Variants in EFNB2 observed in about 807,000 individuals in gnomAD.
The protein encoded by EFNB2 is ephrin B2.
In EFNB2, 5 loss-of-function variants were observed where a neutral mutation model predicts 32.1. The observed-to-expected ratio is 0.16, with a 90% CI of 0.08 to 0.33. The LOEUF (loss-of-function observed/expected upper bound fraction) is 0.33, where lower values mean the gene tolerates loss of function less well. EFNB2 is among the 10% of genes least tolerant of loss of function. The pLI is 1.00. For missense variants in EFNB2, 263 were observed against 422.6 expected, an observed-to-expected ratio of 0.62 and a Z score of 3.31; for synonymous variants, 168 against 166.5, an observed-to-expected ratio of 1.01 and a Z score of -0.07.
At chr13:106,505,074 T>C (rs568598622) in intron 2 of EFNB2, among the ~76,000 whole-genome samples, 1 of 152,268 alleles carries the variant, frequency 6.6e-6, no homozygotes, top group South Asian at 2.1e-4. Context: ...TTAGTTCAAC[T>C]TTGGGGGCAG....
intron 1 of EFNB2, chr13:106,519,441 G>C (rs1478054350): frequency 2.0e-5 from 3 of 152,038 alleles, no homozygotes; most frequent in Non-Finnish European, 4.4e-5. Flanking sequence ...GGGGGGAGGA[G>C]GCCCACACAT....
chr13:106,495,083 T>C (rs1878544925), intron 3 of EFNB2, 89 bp from the exon 4 acceptor site: 13 of 995,898 alleles, frequency 1.3e-5, no homozygotes, highest in South Asian at 7.9e-5. Flanking sequence ...CAGGCATGAA[T>C]AGCAATGAAC....
At chr13:106,530,682 C>T (rs1404104952) in intron 1 of EFNB2, among the ~76,000 whole-genome samples, 2 of 152,164 alleles carry the variant, frequency 1.3e-5, no homozygotes, top group Admixed American at 6.5e-5. Context: ...ATTCCTATGA[C>T]GCATTACTGC....
At chr13:106,525,823 C>T (rs988238830) in intron 1 of EFNB2, among the ~76,000 whole-genome samples, 1 of 152,114 alleles carries the variant, frequency 6.6e-6, no homozygotes, top group Non-Finnish European at 1.5e-5. Flanking sequence ...TTGTTAGAGC[C>T]GAGTAACAGG....
chr13:106,511,769 C>G (rs1313244134), intron 2 of EFNB2, among the ~76,000 whole-genome samples: 1 of 152,042 alleles, frequency 6.6e-6, no homozygotes, highest in Non-Finnish European at 1.5e-5. Flanking sequence ...TTTAACACCA[C>G]CTGGGGCCCT....
At chr13:106,531,280 G>A (rs1879862716) in intron 1 of EFNB2, among the ~76,000 whole-genome samples, 1 of 152,180 alleles carries the variant, frequency 6.6e-6, no homozygotes, top group Admixed American at 6.5e-5. Context: ...AGCATGTTGT[G>A]AGGTATCGCT....
intron 2 of EFNB2, among the ~76,000 whole-genome samples, chr13:106,504,751 G>A (rs1011718330): frequency 2.0e-5 from 3 of 152,098 alleles, no homozygotes; most frequent in Admixed American, 2.0e-4. Flanking sequence ...CAATCCATCA[G>A]TCCTTCTATG....
At position 106,493,166 on chromosome 13, in the gene EFNB2, C is replaced by A. The variant is rs752669368; in HGVS notation, c.876G>T (p.Pro292=). 6.2e-7 allele frequency: 1 copy of A among 1,614,128 alleles called. No individual in the cohort carries two copies. Among genetic ancestry groups the A allele is most frequent in the Non-Finnish European group, 8.5e-7 (1 of 1,180,036 alleles). The part of the protein sequence containing the change: ...NGSEPSDIII[P]LRTADSVFCP... ...AGAAGACGCTGTCCGCAGTCCTTAGCGGGATGATAATGTCACTGGGCTCTG... is the reference window on the plus strand; with the variant it reads ...AGAAGACGCTGTCCGCAGTCCTTAGAGGGATGATAATGTCACTGGGCTCTG... The change falls in exon 5 of 5, where the codon CCG becomes CCT. Residue 292 remains proline, a synonymous_variant. Transcript: ENST00000646441. The surrounding 1 kb of genome is among the most constrained non-coding windows in gnomAD (Gnocchi z 6.1).
Position 106,508,564 on chromosome 13 carries a change from T to C in EFNB2, c.406+3965A>G, listed in dbSNP as rs569102474. On this transcript the variant is annotated intron_variant, in intron 2 of 4. Coordinates refer to ENST00000646441, the MANE Select transcript of EFNB2 (RefSeq NM_004093.4). ...GAAATAGGTCACTTGAAAAAGTCAATTCTAAACAAGAATAAAAACCCATAT... is the reference window on the plus strand; with the variant it reads ...GAAATAGGTCACTTGAAAAAGTCAACTCTAAACAAGAATAAAAACCCATAT... 3.9e-5 allele frequency among the ~76,000 whole-genome samples: 6 copies of C among 152,230 alleles called. No homozygotes were observed. The East Asian group carries it at 1.2e-3, about 29-fold the overall frequency.
At chr13:106,523,105 T>G (rs1168215992) in intron 1 of EFNB2, among the ~76,000 whole-genome samples, 1 of 152,150 alleles carries the variant, frequency 6.6e-6, no homozygotes, top group Non-Finnish European at 1.5e-5. Flanking sequence ...GGGCTAGGTC[T>G]GCTGTGGGCG....
Position 106,492,175 on chromosome 13 carries a change from G to A in EFNB2, c.*865C>T, listed in dbSNP as rs1878430363. 6.5e-6 allele frequency: 1 copy of A among 152,704 alleles called. No homozygotes were observed. Among genetic ancestry groups the A allele is most frequent in the African/African-American group, 2.4e-5 (1 of 41,448 alleles). The allele number at this position is 152,704 out of a possible 1,614,324, so 9.5% of individuals were successfully genotyped here. A position where few individuals can be genotyped will look rare whatever the true frequency, so the allele number is the denominator to read the frequency against. ...TGGAATCCACTGTGTGTGCTGTCGT[G>A]TCTCCTACTGGCCTCTTCGATCTCA... On this transcript the variant is annotated 3_prime_UTR_variant, in exon 5 of 5. Coordinates refer to ENST00000646441, the MANE Select transcript of EFNB2 (RefSeq NM_004093.4). This position sits in a 1 kb window ranked among gnomAD's most constrained non-coding sequence, Gnocchi z 5.1.
chr13:106,522,058 A>C (rs1282053132), intron 1 of EFNB2, among the ~76,000 whole-genome samples: 1 of 152,036 alleles, frequency 6.6e-6, no homozygotes, highest in Non-Finnish European at 1.5e-5. Flanking sequence ...AAAAAAACAA[A>C]AAAAAAACCA....
rs1880020848 is a variant in EFNB2, at chr13:106,534,993, C to A, written c.-29G>T. On this transcript the variant is annotated 5_prime_UTR_variant, in exon 1 of 5. Coordinates refer to ENST00000646441, the MANE Select transcript of EFNB2 (RefSeq NM_004093.4). ...GAAGCCACTCCCAGCTCCGCGCACT[C>A]CGGGCCAAGAAGGGACTGACGGGAC... The A allele has an allele frequency of 6.2e-7, 1 of 1,611,466 alleles. No homozygotes were observed. Among genetic ancestry groups the A allele is most frequent in the East Asian group, 2.2e-5 (1 of 44,636 alleles).
chr13:106,519,983 T>C (rs1423939021), intron 1 of EFNB2: 1 of 152,082 alleles, frequency 6.6e-6, no homozygotes, highest in Non-Finnish European at 1.5e-5. Context: ...AATACATAAA[T>C]CTCTGAGTCC....
intron 2 of EFNB2, chr13:106,506,230 C>G (rs16968797): frequency 4.6e-5 from 7 of 152,126 alleles, no homozygotes; most frequent in African/African-American, 1.4e-4. Context: ...TCAGTGATAA[C>G]GCAACCCTGA....
intron 1 of EFNB2, among the ~76,000 whole-genome samples, chr13:106,526,377 A>G (rs1014495732): frequency 3.9e-5 from 6 of 152,196 alleles, no homozygotes; most frequent in African/African-American, 1.4e-4. Flanking sequence ...GGACAGGTAG[A>G]GTGGTGAAGG....
intron 1 of EFNB2, among the ~76,000 whole-genome samples, chr13:106,524,658 C>T (rs1023329080): frequency 2.6e-5 from 4 of 152,176 alleles, no homozygotes. Context: ...TACTGCCCAT[C>T]CCTCCAGGTT....
intron 2 of EFNB2, among the ~76,000 whole-genome samples, chr13:106,501,743 C>T (rs1878788655): frequency 6.6e-6 from 1 of 152,196 alleles, no homozygotes; most frequent in South Asian, 2.1e-4. Context: ...CAGGAGCCCG[C>T]CACCACACCC....
rs1407248606 is a variant in EFNB2, at chr13:106,518,729, G to C, written c.123-5917C>G. 2.0e-5 allele frequency: 3 copies of C among 152,274 alleles called. No homozygotes were observed. The highest frequency in any genetic ancestry group is 4.8e-5 in the African/African-American group (2 of 41,438). 9.4% of individuals were successfully genotyped at this position (152,274 alleles called of 1,614,324 possible). ...GGAGAAGTTTATGGAGAGCTGTGTA[G>C]TGAACCCGAAATTGCACTCCCTGCT... On this transcript the variant is annotated intron_variant, in intron 1 of 4. Transcript: ENST00000646441. The surrounding 1 kb of genome is among the most constrained non-coding windows in gnomAD (Gnocchi z 4.1).
Sources: allele counts gnomAD v4.1 joint callset (sites outside exome capture counted in the v4.1 genomes callset), GRCh38; gene constraint gnomAD v4.1.1; non-coding constraint Gnocchi (gnomAD v3.1); transcripts MANE v1.5; gene names NCBI Gene and HGNC (gene_info 2026-07-23, HGNC 2026-07-21).